Variants in BIRC6 observed in about 807,000 individuals in gnomAD.
The protein encoded by BIRC6 is dual E2 ubiquitin-conjugating enzyme/E3 ubiquitin-protein ligase BIRC6.
Under a neutral mutation model 503.3 loss-of-function variants are expected in BIRC6, and 98 were observed. The ratio of observed to expected loss-of-function variants is 0.19; its 90% CI spans 0.17 to 0.23. The LOEUF (loss-of-function observed/expected upper bound fraction) is 0.23, where lower values mean the gene tolerates loss of function less well. Ranked by LOEUF, BIRC6 falls within the 10% of genes least tolerant of loss-of-function variation. The pLI is 1.00. For synonymous variants in BIRC6, 2,240 were observed against 2,078.7 expected, an observed-to-expected ratio of 1.08 and a Z score of -2.11; for missense variants, 5,360 against 5,806.0, an observed-to-expected ratio of 0.92 and a Z score of 2.50.
In BIRC6 at chr2:32,617,702, A is replaced by G. The variant is rs768433530; in HGVS notation, c.14395-23A>G. 3.7e-6 allele frequency: 6 copies of G among 1,608,138 alleles called. No individual in the cohort carries two copies. In the Admixed American group the frequency reaches 6.7e-5, roughly 18 times the overall value. The stretch of plus-strand genomic sequence containing the variant: ...GTGCTAGAGGGTTTGCAGTTCTAAC[A>G]TTAGTCCTTTTCTCCTGCATAGCGT... On this transcript the variant is annotated intron_variant, in intron 73 of 73. Coordinates refer to ENST00000421745, the MANE Select transcript of BIRC6 (RefSeq NM_016252.4).
At chr2:32,502,100 A>G (rs796314720) in intron 47 of BIRC6, among the ~76,000 whole-genome samples, 45 of 152,326 alleles carry the variant, frequency 3.0e-4, no homozygotes, top group African/African-American at 1.1e-3. Flanking sequence ...ATATAAGAGT[A>G]AAACATTTAA....
At chr2:32,467,786 A>G in intron 27 of BIRC6, 47 bp downstream of exon 27, 1 of 1,514,174 alleles carries the variant, frequency 6.6e-7, no homozygotes, top group Non-Finnish European at 8.9e-7. Context: ...TATGTTTCTG[A>G]CAAGTTATGA....
chr2:32,488,611 G>A lies in BIRC6; in HGVS notation c.7992G>A (p.Trp2664Ter). The A allele has an allele frequency of 6.5e-7, 1 of 1,530,094 alleles. No homozygotes were observed. The highest frequency in any genetic ancestry group is 8.8e-7 in the Non-Finnish European group (1 of 1,137,198). 94.8% of individuals were successfully genotyped at this position (1,530,094 alleles called of 1,614,324 possible). The change falls in exon 42 of 74, where the codon TGG (tryptophan) becomes TGA (stop). Residue 2664 changes from tryptophan (W) to a stop codon, truncating the protein, a stop_gained. Coordinates refer to ENST00000421745, the MANE Select transcript of BIRC6 (RefSeq NM_016252.4). LOFTEE classifies it high-confidence loss of function. ...AGTTGGAGTCACTTCTCCAATTGTG[G>A]CTCACACTGAGCCTGAATTCTAGTT... The part of the protein sequence containing the change: ...HVQLESLLQL[W>*]LTLSLNSSST...
rs752759367 is a variant in BIRC6 at position 32,515,507 on chromosome 2, A to G, written c.11086A>G (p.Ser3696Gly). 1 of 1,613,966 alleles carries G rather than the reference A, an allele frequency of 6.2e-7. No individual in the cohort carries two copies. The highest frequency in any genetic ancestry group is 1.1e-5 in the South Asian group (1 of 91,088). The change falls in exon 55 of 74, where the codon AGC becomes GGC. Residue 3696 changes from serine (S) to glycine (G), a missense_variant. Ser to Gly is a moderately conservative substitution (Grantham distance 56). Transcript: ENST00000421745. The stretch of plus-strand genomic sequence containing the variant: ...TAGGTTTTTGACAGAAGTTGGCAAT[A>G]GCCATATTATGAAAGATTGGCTTGG... ...ILRFLTEVGN[S>G]HIMKDWLGGS...
chr2:32,473,200 T>C lies in BIRC6; in HGVS notation c.6681T>C (p.Tyr2227=). ...SKGSSSLDRL[Y]SRKIRKQLVH... The stretch of plus-strand genomic sequence containing the variant: ...GCAGCAGTAGCCTTGATAGATTATA[T>C]TCCAGAAAAATCAGAAAGCAGCTTG... Residue 2227 remains tyrosine, a synonymous_variant, in exon 33 of 74, where the codon TAT becomes TAC. Transcript: ENST00000421745. 1 of 1,555,618 alleles carries C rather than the reference T, an allele frequency of 6.4e-7. No homozygotes were observed.
chr2:32,492,120 A>G (rs528644919), intron 44 of BIRC6, among the ~76,000 whole-genome samples: 2 of 152,204 alleles, frequency 1.3e-5, no homozygotes, highest in South Asian at 4.1e-4. Context: ...TTTAGCATTT[A>G]TAACATCTTT....
At chr2:32,388,685 A>C in intron 3 of BIRC6, 65 bp from the exon 4 acceptor site, 1 of 1,182,246 alleles carries the variant, frequency 8.5e-7, no homozygotes, top group East Asian at 2.6e-5. Context: ...ATAATGGTTA[A>C]GTTATGATTT....
intron 66 of BIRC6, among the ~76,000 whole-genome samples, chr2:32,589,612 TA>T (rs2061281402): frequency 6.6e-6 from 1 of 152,238 alleles, no homozygotes; most frequent in South Asian, 2.1e-4. Context: ...TATACCCATA[TA>T]TTTCTTTAAA....
At chr2:32,545,472 C>A (rs113396534) in intron 62 of BIRC6, among the ~76,000 whole-genome samples, 171 bp from the exon 63 acceptor site, 1 of 151,858 alleles carries the variant, frequency 6.6e-6, no homozygotes, top group Non-Finnish European at 1.5e-5. Flanking sequence ...GATACTTATT[C>A]GTTATTAAAT....
chr2:32,480,470 A>G (rs771670982), intron 37 of BIRC6, among the ~76,000 whole-genome samples: 24 of 152,206 alleles, frequency 1.6e-4, no homozygotes, highest in Non-Finnish European at 2.2e-4. Context: ...TAGGCATTCT[A>G]TAAAGTTATG....
At chr2:32,361,597 A>G (rs894205262) in intron 1 of BIRC6, among the ~76,000 whole-genome samples, 7 of 152,188 alleles carry the variant, frequency 4.6e-5, no homozygotes, top group Non-Finnish European at 8.8e-5. Context: ...TGGACAATGT[A>G]TAGTGACATG....
At chr2:32,482,052 C>T (rs1214964616) in intron 38 of BIRC6, among the ~76,000 whole-genome samples, 1 of 152,154 alleles carries the variant, frequency 6.6e-6, no homozygotes, top group Non-Finnish European at 1.5e-5. Context: ...AGATCACCAA[C>T]ATTTCAGACA....
chr2:32,408,507 A>G (rs2041498043), intron 9 of BIRC6, among the ~76,000 whole-genome samples: 1 of 152,064 alleles, frequency 6.6e-6, no homozygotes, highest in African/African-American at 2.4e-5. Context: ...TGCTATGTTA[A>G]GTTTTTTTTG....
intron 5 of BIRC6, among the ~76,000 whole-genome samples, chr2:32,392,363 C>G (rs1446081761): frequency 1.3e-5 from 2 of 152,068 alleles, no homozygotes; most frequent in African/African-American, 2.4e-5. Flanking sequence ...CAAGTGATTC[C>G]TGTGCCTCAG....
chr2:32,516,626 A>G (rs1223448419), intron 55 of BIRC6, among the ~76,000 whole-genome samples: 2 of 151,384 alleles, frequency 1.3e-5, no homozygotes, highest in Admixed American at 6.6e-5. Flanking sequence ...AATTTATCAT[A>G]TATTATGATT....
intron 72 of BIRC6, among the ~76,000 whole-genome samples, chr2:32,608,198 C>CA (rs2062604135): frequency 6.7e-6 from 1 of 149,260 alleles, no homozygotes; most frequent in Non-Finnish European, 1.5e-5. Context: ...TGGGCTAAGG[C>CA]AGGAGGTTTG....
chr2:32,380,651 A>C (rs1007940990), intron 3 of BIRC6, among the ~76,000 whole-genome samples: 3 of 152,088 alleles, frequency 2.0e-5, no homozygotes. Flanking sequence ...ACTTGAACCC[A>C]GGAGGCGGAG....
At chr2:32,518,019 C>T (rs1037383726) in intron 55 of BIRC6, among the ~76,000 whole-genome samples, 6 of 151,390 alleles carry the variant, frequency 4.0e-5, no homozygotes, top group African/African-American at 7.3e-5. Context: ...ACCCTGGACA[C>T]GTTTCTTACA....
At chr2:32,532,304 A>G (rs2056850248) in intron 61 of BIRC6, 1 of 473,218 alleles carries the variant, frequency 2.1e-6, no homozygotes, top group Admixed American at 2.4e-5. Context: ...TCTGAAATCA[A>G]GATATCAGCA....
Sources: allele counts gnomAD v4.1 joint callset (sites outside exome capture counted in the v4.1 genomes callset), GRCh38; gene constraint gnomAD v4.1.1; transcripts MANE v1.5; gene names NCBI Gene and HGNC (gene_info 2026-07-23, HGNC 2026-07-21).